ITPRID1: variants seen among roughly 807,000 people sequenced by gnomAD.
ITPRID1 encodes the protein protein ITPRID1.
In ITPRID1, 96 loss-of-function variants were observed where a neutral mutation model predicts 95.4. The observed-to-expected ratio is 1.01, with a 90% CI of 0.85 to 1.19. The LOEUF (loss-of-function observed/expected upper bound fraction) is 1.19. ITPRID1 is among the 50% of genes most tolerant of loss of function. The probability of loss-of-function intolerance (pLI) is 0.00; values close to 1 mark genes in which losing one functional copy is unlikely to be tolerated. For missense variants in ITPRID1, 1,339 were observed against 1,252.9 expected (o/e 1.07, Z -1.04); for synonymous variants, 510 against 453.6 (o/e 1.12, Z -1.58).
At chr7:31,554,572 C>T in intron 4 of ITPRID1, 49 bp downstream of exon 4, 7 of 1,605,202 alleles carry the variant, frequency 4.4e-6, no homozygotes, top group Non-Finnish European at 6.0e-6. Flanking sequence ...TTGCAAAGAT[C>T]CATGAAAACA....
In ITPRID1 at chr7:31,572,094, A is replaced by G; in HGVS notation, c.309-8A>G. The G allele has an allele frequency of 6.3e-7, 1 of 1,584,466 alleles. No homozygotes were observed. The highest frequency in any genetic ancestry group is 8.7e-7 in the Non-Finnish European group (1 of 1,154,804). On this transcript the variant is annotated splice_region_variant and splice_polypyrimidine_tract_variant and intron_variant, in intron 6 of 14. Coordinates refer to ENST00000615280, the MANE Select transcript of ITPRID1 (RefSeq NM_001257967.3). ...CACATCTCATTGTTGATATTTTCCC[A>G]ACTGTAGATCTTTGCATCAGTTTTC...
At chr7:31,531,995 A>G (rs1783613673) in intron 1 of ITPRID1, among the ~76,000 whole-genome samples, 1 of 152,208 alleles carries the variant, frequency 6.6e-6, no homozygotes, top group Non-Finnish European at 1.5e-5. Context: ...CGTCAGGCCT[A>G]AAAATGGATG....
intron 10 of ITPRID1, among the ~76,000 whole-genome samples, chr7:31,598,618 T>C (rs1786206424): frequency 6.6e-6 from 1 of 151,952 alleles, no homozygotes; most frequent in African/African-American, 2.4e-5. Context: ...TTAGCCAGGA[T>C]GGTCTCTATC....
At position 31,578,068 on chromosome 7, in the gene ITPRID1, T is replaced by G. The variant is rs111332081; in HGVS notation, c.804T>G (p.Asp268Glu). Residue 268 changes from aspartate to glutamate, a missense_variant, in exon 9 of 15, where the codon GAT becomes GAG. Asp to Glu is a conservative substitution (Grantham distance 45). Transcript: ENST00000615280. ...RRASKQNIRR[D>E]CNPEVSESFK... is the part of the protein sequence containing the mutation. ...CTTCCAAACAGAACATCAGGCGGGATTGTAACCCAGAGGTATCAGAGTCCT... is the reference window on the plus strand; with the variant it reads ...CTTCCAAACAGAACATCAGGCGGGAGTGTAACCCAGAGGTATCAGAGTCCT... 6.2e-7 allele frequency: 1 copy of G among 1,613,668 alleles called. No individual in the cohort carries two copies. The highest frequency in any genetic ancestry group is 8.5e-7 in the Non-Finnish European group (1 of 1,179,796).
chr7:31,600,857 ACAG>A, intron 10 of ITPRID1, among the ~76,000 whole-genome samples: 1 of 152,140 alleles, frequency 6.6e-6, no homozygotes, highest in Non-Finnish European at 1.5e-5. Context: ...TTTGATGTTA[ACAG>A]GTGTGGATCA....
intron 10 of ITPRID1, among the ~76,000 whole-genome samples, chr7:31,637,401 G>T (rs1181482297): frequency 4.6e-5 from 7 of 152,058 alleles, no homozygotes; most frequent in Non-Finnish European, 8.8e-5. Context: ...AGCACCTGTT[G>T]TTTCCTGACT....
chr7:31,584,578 A>G (rs571515336), intron 10 of ITPRID1, among the ~76,000 whole-genome samples: 16 of 152,330 alleles, frequency 1.1e-4, no homozygotes, highest in African/African-American at 3.8e-4. Flanking sequence ...ACTAATCTAC[A>G]TTTCATCTCG....
chr7:31,584,766 G>T (rs1487403065), intron 10 of ITPRID1, among the ~76,000 whole-genome samples: 2 of 152,216 alleles, frequency 1.3e-5, no homozygotes, highest in African/African-American at 2.4e-5. Context: ...ATTTTCATAT[G>T]TATATGATAA....
At chr7:31,548,117 G>A (rs562266572) in intron 1 of ITPRID1, among the ~76,000 whole-genome samples, 1 of 152,174 alleles carries the variant, frequency 6.6e-6, no homozygotes, top group Non-Finnish European at 1.5e-5. Context: ...GGTGATGGGG[G>A]ATGTTTGAAA....
chr7:31,552,848 T>C (rs147102488), intron 2 of ITPRID1, among the ~76,000 whole-genome samples, 154 bp from the exon 3 acceptor site: 1,864 of 152,198 alleles, frequency 0.012, 22 homozygotes, highest in Non-Finnish European at 0.018. Context: ...GACAGGGAGC[T>C]TGGCTCAGGT....
chr7:31,550,188 G>A (rs1364244280), intron 2 of ITPRID1, among the ~76,000 whole-genome samples: 3 of 133,618 alleles, frequency 2.2e-5, no homozygotes, highest in Non-Finnish European at 4.7e-5. Context: ...TGCATATACA[G>A]TTTTGCATCC....
intron 10 of ITPRID1, among the ~76,000 whole-genome samples, chr7:31,641,878 T>G (rs1443999867): frequency 1.3e-5 from 2 of 152,226 alleles, no homozygotes; most frequent in Non-Finnish European, 2.9e-5. Flanking sequence ...GGATTTTCTT[T>G]CCCTTAGTAA....
intron 10 of ITPRID1, among the ~76,000 whole-genome samples, chr7:31,630,237 T>C (rs1192104911): frequency 4.9e-5 from 3 of 61,754 alleles, no homozygotes; most frequent in African/African-American, 2.0e-4. Flanking sequence ...AAATAGAGTC[T>C]ACTTGGCAAA....
At chr7:31,594,242 G>A (rs549651275) in intron 10 of ITPRID1, among the ~76,000 whole-genome samples, 17 of 152,148 alleles carry the variant, frequency 1.1e-4, no homozygotes, top group Non-Finnish European at 2.1e-4. Flanking sequence ...TACTTTCTGA[G>A]TTTGTGTAAG....
chr7:31,582,992 T>A (rs1198486255), intron 9 of ITPRID1, 142 bp from the exon 10 acceptor site: 1 of 551,854 alleles, frequency 1.8e-6, no homozygotes, highest in Non-Finnish European at 3.3e-6. Context: ...CGGTACCTCC[T>A]CCCAGCAGAT....
intron 10 of ITPRID1, among the ~76,000 whole-genome samples, chr7:31,592,727 A>ACC (rs1785919358): frequency 6.6e-6 from 1 of 152,152 alleles, no homozygotes; most frequent in African/African-American, 2.4e-5. Context: ...TTGCCCATTC[A>ACC]CCGCTCACCT....
Position 31,583,117 on chromosome 7 carries a change from G to T in ITPRID1, c.1171-17G>T, listed in dbSNP as rs1456538463. On this transcript the variant is annotated splice_polypyrimidine_tract_variant and intron_variant, in intron 9 of 14. Coordinates refer to ENST00000615280, the MANE Select transcript of ITPRID1 (RefSeq NM_001257967.3). ...TGACAAAATTTCTAATGACATTGATGCATTTTGATATCTTAGGTCCAAAGC... is the reference window on the plus strand; with the variant it reads ...TGACAAAATTTCTAATGACATTGATTCATTTTGATATCTTAGGTCCAAAGC... 6.3e-7 allele frequency: 1 copy of T among 1,586,526 alleles called. No homozygotes were observed. Among genetic ancestry groups the T allele is most frequent in the Non-Finnish European group, 8.6e-7 (1 of 1,157,660 alleles).
chr7:31,593,903 T>C (rs1349921229), intron 10 of ITPRID1, among the ~76,000 whole-genome samples: 5 of 152,210 alleles, frequency 3.3e-5, no homozygotes, highest in South Asian at 2.1e-4. Flanking sequence ...TGTGTTCATA[T>C]GGAAAGGTCT....
intron 12 of ITPRID1, among the ~76,000 whole-genome samples, 184 bp from the exon 13 acceptor site, chr7:31,650,958 G>T (rs1790889817): frequency 6.6e-6 from 1 of 152,162 alleles, no homozygotes; most frequent in Non-Finnish European, 1.5e-5. Context: ...TTGCAGATGA[G>T]CACTGTCACT....
Sources: gnomAD v4.1 joint callset for allele counts (sites outside exome capture counted in the v4.1 genomes callset) on GRCh38, gnomAD v4.1.1 for gene constraint, MANE v1.5 for transcripts, NCBI Gene and HGNC (gene_info 2026-07-23, HGNC 2026-07-21) for gene names.